TEKTL1: variants seen among roughly 807,000 people sequenced by gnomAD.
The protein encoded by TEKTL1 is tektin like 1, also known as tektin-like protein 1.
At chr19:15,018,855 A>G in the TEKTL1 span, among the ~76,000 whole-genome samples, 1 of 151,016 alleles carries the variant, frequency 6.6e-6, no homozygotes, top group South Asian at 2.1e-4. Context: ...TCCCTTCTCT[A>G]AAAGCCACGT....
the TEKTL1 span, chr19:15,020,322 ATG>A: frequency 4.1e-6 from 3 of 731,138 alleles, no homozygotes; most frequent in Non-Finnish European, 4.4e-6. Context: ...AAAAAAAAAA[ATG>A]AGAGTGTCAG....
the TEKTL1 span, chr19:15,020,660 G>A: frequency 6.2e-7 from 1 of 1,611,834 alleles, no homozygotes; most frequent in Non-Finnish European, 8.5e-7. Context: ...TATAACCCAG[G>A]TAGGAGTCCA....
the TEKTL1 span, chr19:15,020,350 A>T: frequency 1.1e-6 from 1 of 882,640 alleles, no homozygotes; most frequent in Non-Finnish European, 1.7e-6. Flanking sequence ...GTTTAGAGGT[A>T]GAAATGCTTT....
the TEKTL1 span, among the ~76,000 whole-genome samples, chr19:15,014,431 T>C: frequency 6.6e-6 from 1 of 152,136 alleles, no homozygotes; most frequent in Non-Finnish European, 1.5e-5. Flanking sequence ...GCCTTGTCCT[T>C]GAAGAGTTAA....
chr19:15,012,033 A>T, the TEKTL1 span, among the ~76,000 whole-genome samples: 3 of 151,540 alleles, frequency 2.0e-5, no homozygotes, highest in Non-Finnish European at 2.9e-5. Context: ...ATGCGGGAGG[A>T]TTGCTTGAGG....
chr19:15,016,012 G>C, the TEKTL1 span, among the ~76,000 whole-genome samples: 1 of 151,768 alleles, frequency 6.6e-6, no homozygotes, highest in African/African-American at 2.4e-5. Flanking sequence ...GACCTTGAAG[G>C]CAGATACAGT....
chr19:15,013,168 A>G, the TEKTL1 span, among the ~76,000 whole-genome samples: 1 of 152,172 alleles, frequency 6.6e-6, no homozygotes, highest in Non-Finnish European at 1.5e-5. Context: ...CCCAAAAGGT[A>G]CAAAAATTCC....
the TEKTL1 span, chr19:15,011,531 C>T: frequency 2.9e-6 from 2 of 683,692 alleles, no homozygotes; most frequent in Non-Finnish European, 4.3e-6. Context: ...GTCAGGAATT[C>T]GAGACCAGCC....
chr19:15,019,485 T>C, the TEKTL1 span, among the ~76,000 whole-genome samples: 2 of 152,112 alleles, frequency 1.3e-5, no homozygotes, highest in Admixed American at 1.3e-4. Flanking sequence ...AAGCATCACA[T>C]TGCATGCCAT....
the TEKTL1 span, chr19:15,023,218 C>T: frequency 9.2e-7 from 1 of 1,088,672 alleles, no homozygotes; most frequent in Non-Finnish European, 1.3e-6. Context: ...CCTGACGCAC[C>T]CTCCCTCCAA....
the TEKTL1 span, chr19:15,013,780 A>C: frequency 6.2e-7 from 1 of 1,601,432 alleles, no homozygotes; most frequent in African/African-American, 1.3e-5. Flanking sequence ...ACTCAAGGTT[A>C]GGGGTGCCTG....
the TEKTL1 span, chr19:15,020,749 C>A: frequency 9.0e-7 from 1 of 1,106,470 alleles, no homozygotes; most frequent in South Asian, 1.5e-5. Flanking sequence ...CTGTCCCTTT[C>A]CTGGGAAATA....
chr19:15,023,091 C>A, the TEKTL1 span: 1 of 1,607,980 alleles, frequency 6.2e-7, no homozygotes, highest in Non-Finnish European at 8.5e-7. Flanking sequence ...ACGCCGCCGC[C>A]GCGCAGCAAG....
At chr19:15,015,951 A>G in the TEKTL1 span, among the ~76,000 whole-genome samples, 1 of 152,146 alleles carries the variant, frequency 6.6e-6, no homozygotes, top group East Asian at 1.9e-4. Context: ...CAACTTGCTC[A>G]TGTTGACTCC....
chr19:15,012,572 A>G, the TEKTL1 span, among the ~76,000 whole-genome samples: 2 of 151,902 alleles, frequency 1.3e-5, no homozygotes, highest in South Asian at 2.1e-4. Flanking sequence ...ACAAACAAAA[A>G]AAGATGATGG....
At chr19:15,013,204 C>A in the TEKTL1 span, among the ~76,000 whole-genome samples, 2 of 152,086 alleles carry the variant, frequency 1.3e-5, no homozygotes, top group Non-Finnish European at 2.9e-5. Flanking sequence ...AGATGAGACC[C>A]CACCCACAGA....
chr19:15,010,857 G>C, the TEKTL1 span: 1 of 1,551,068 alleles, frequency 6.4e-7, no homozygotes, highest in East Asian at 2.4e-5. Flanking sequence ...GCTGAGCGCA[G>C]CCAGGACACA....
the TEKTL1 span, chr19:15,011,196 A>G: frequency 2.7e-6 from 4 of 1,479,302 alleles, no homozygotes; most frequent in Non-Finnish European, 3.6e-6. Context: ...CAGACCACCG[A>G]GGTGGTGCAC....
chr19:15,017,162 C>T, the TEKTL1 span, among the ~76,000 whole-genome samples: 1 of 151,910 alleles, frequency 6.6e-6, no homozygotes, highest in African/African-American at 2.4e-5. Context: ...TTTGAGGCCA[C>T]AGTGAGCCAG....
Sources: gnomAD v4.1 joint callset for allele counts (sites outside exome capture counted in the v4.1 genomes callset) on GRCh38, gnomAD v4.1.1 for gene constraint, MANE v1.5 for transcripts, NCBI Gene and HGNC (gene_info 2026-07-23, HGNC 2026-07-21) for gene names.